CERS6: variants seen among roughly 807,000 people sequenced by gnomAD.
The protein encoded by CERS6 is ceramide synthase 6, also known as LAG1 homolog, ceramide synthase 6.
CERS6 carries 26 observed loss-of-function variants against 56.8 expected under a neutral mutation model. The ratio of observed to expected loss-of-function variants is 0.46; its 90% CI spans 0.34 to 0.63. CERS6 has a LOEUF of 0.63. CERS6 is among the 30% of genes least tolerant of loss of function. The pLI is 0.01. For synonymous variants in CERS6, 164 were observed against 173.3 expected, an observed-to-expected ratio of 0.95 and a Z score of 0.42; for missense variants, 415 against 467.5, an observed-to-expected ratio of 0.89 and a Z score of 1.04.
chr2:168,724,585 A>G (rs1683287686), intron 8 of CERS6, among the ~76,000 whole-genome samples: 1 of 152,050 alleles, frequency 6.6e-6, no homozygotes, highest in Non-Finnish European at 1.5e-5. Flanking sequence ...TTAGCTAGAT[A>G]CAGAGTGCCG....
chr2:168,656,593 C>T (rs917254930), intron 4 of CERS6, among the ~76,000 whole-genome samples: 8 of 151,486 alleles, frequency 5.3e-5, no homozygotes, highest in South Asian at 2.1e-4. Context: ...CCGGTGGGCT[C>T]GTGGTCTTGC....
intron 9 of CERS6, among the ~76,000 whole-genome samples, chr2:168,767,627 G>A (rs1391239836): frequency 6.6e-6 from 1 of 152,154 alleles, no homozygotes; most frequent in Non-Finnish European, 1.5e-5. Flanking sequence ...ACCACTGGTT[G>A]GCATAAAGCA....
chr2:168,579,555 C>CT (rs1683358794), intron 3 of CERS6, among the ~76,000 whole-genome samples: 1 of 152,248 alleles, frequency 6.6e-6, no homozygotes, highest in African/African-American at 2.4e-5. Flanking sequence ...TCCACACCCC[C>CT]TTTTCTTCTA....
rs144634060 is a variant in CERS6, at chr2:168,750,893, T to C, written c.846-14699T>C. Among the ~76,000 whole-genome samples the C allele has an allele frequency of 1.7e-3, 261 of 152,346 alleles. 1 individual carries two copies. Among genetic ancestry groups the C allele is most frequent in the African/African-American group, 5.7e-3 (238 of 41,578 alleles). Reference sequence around the variant, plus strand: ...AAATAGATAGTAAGTTCTTTGAGGTTCACTATTATGTATCCTCCATAGTTC... The same window carrying C: ...AAATAGATAGTAAGTTCTTTGAGGTCCACTATTATGTATCCTCCATAGTTC... On this transcript the variant is annotated intron_variant, in intron 8 of 9. Coordinates refer to ENST00000305747, the MANE Select transcript of CERS6 (RefSeq NM_203463.3).
chr2:168,629,821 T>TAAGAA (rs1684670166), intron 3 of CERS6, among the ~76,000 whole-genome samples: 1 of 152,082 alleles, frequency 6.6e-6, no homozygotes, highest in African/African-American at 2.4e-5. Flanking sequence ...TTAACTTTTT[T>TAAGAA]TCTTTTTTTT....
intron 3 of CERS6, among the ~76,000 whole-genome samples, chr2:168,611,480 GGC>G (rs1684186256): frequency 6.6e-6 from 1 of 152,068 alleles, no homozygotes; most frequent in Non-Finnish European, 1.5e-5. Context: ...TTAATTTTGT[GGC>G]TATAAAATAC....
chr2:168,501,983 G>A (rs1694588692), intron 1 of CERS6, among the ~76,000 whole-genome samples: 1 of 152,202 alleles, frequency 6.6e-6, no homozygotes, highest in East Asian at 1.9e-4. Context: ...ACTATGGGAT[G>A]ATGGTAGCTG....
intron 1 of CERS6, among the ~76,000 whole-genome samples, chr2:168,517,158 C>G (rs993273151): frequency 6.6e-6 from 1 of 151,626 alleles, no homozygotes; most frequent in African/African-American, 2.4e-5. Context: ...GAAGGTTACT[C>G]TTAGGAGGAT....
intron 8 of CERS6, among the ~76,000 whole-genome samples, chr2:168,763,552 GT>G (rs1684641990): frequency 6.6e-6 from 1 of 152,050 alleles, no homozygotes; most frequent in Admixed American, 6.5e-5. Flanking sequence ...GTGAGCCATC[GT>G]GCCTGGCCTG....
chr2:168,456,406 T>A lies in CERS6; in HGVS notation c.-43T>A. On this transcript the variant is annotated 5_prime_UTR_variant, in exon 1 of 10. Coordinates refer to ENST00000305747, the MANE Select transcript of CERS6 (RefSeq NM_203463.3). This position sits in a 1 kb window ranked among gnomAD's most constrained non-coding sequence, Gnocchi z 4.1. ...CGGGCGCCCTGCGCGGTGGAGAGCT[T>A]GGCGGGCTGCGGGTGCCGCAGGACA... 1.3e-6 allele frequency: 2 copies of A among 1,530,198 alleles called. No homozygotes were observed. Among genetic ancestry groups the A allele is most frequent in the Non-Finnish European group, 1.8e-6 (2 of 1,132,282 alleles). 94.8% of individuals were successfully genotyped at this position (1,530,198 alleles called of 1,614,324 possible). A position where few individuals can be genotyped will look rare whatever the true frequency, so the allele number is the denominator to read the frequency against.
At chr2:168,649,220 C>T (rs946082378) in intron 4 of CERS6, among the ~76,000 whole-genome samples, 2 of 152,098 alleles carry the variant, frequency 1.3e-5, no homozygotes, top group South Asian at 2.1e-4. Flanking sequence ...CTCCCTGGCC[C>T]TCCGAGGTCT....
At chr2:168,708,397 A>G (rs1687010850) in intron 6 of CERS6, among the ~76,000 whole-genome samples, 1 of 152,146 alleles carries the variant, frequency 6.6e-6, no homozygotes. Flanking sequence ...AAAGCATGTT[A>G]CTCTGTAAGA....
chr2:168,508,972 T>C (rs1027153781), intron 1 of CERS6, among the ~76,000 whole-genome samples: 3 of 152,214 alleles, frequency 2.0e-5, no homozygotes, highest in African/African-American at 7.2e-5. Context: ...ATGTCTCTTA[T>C]CTATCTTGAG....
At chr2:168,486,140 T>C (rs1002713908) in intron 1 of CERS6, among the ~76,000 whole-genome samples, 1 of 152,200 alleles carries the variant, frequency 6.6e-6, no homozygotes, top group Non-Finnish European at 1.5e-5. Flanking sequence ...ACCATTTGTA[T>C]GTCCTTTTTG....
At chr2:168,579,580 T>G (rs2105394893) in intron 3 of CERS6, among the ~76,000 whole-genome samples, 1 of 152,216 alleles carries the variant, frequency 6.6e-6, no homozygotes, top group South Asian at 2.1e-4. Context: ...TGATTCTTAC[T>G]CATTTCTTTG....
intron 2 of CERS6, 131 bp from the exon 3 acceptor site, chr2:168,561,061 T>TA: frequency 1.1e-6 from 1 of 889,590 alleles, no homozygotes; most frequent in Non-Finnish European, 1.7e-6. Context: ...CAGAGGTAAA[T>TA]ATAGAAATCT....
intron 1 of CERS6, among the ~76,000 whole-genome samples, chr2:168,482,709 G>C (rs969315545): frequency 6.6e-6 from 1 of 152,226 alleles, no homozygotes; most frequent in East Asian, 1.9e-4. Context: ...GGAGCTGAAG[G>C]CAGTTTTTCA....
At chr2:168,719,771 C>G (rs565800880) in intron 8 of CERS6, among the ~76,000 whole-genome samples, 4 of 152,100 alleles carry the variant, frequency 2.6e-5, no homozygotes, top group Non-Finnish European at 4.4e-5. Flanking sequence ...GACTTCTCTT[C>G]CAGTCACAAT....
At chr2:168,699,172 C>A (rs1559057548) in intron 6 of CERS6, among the ~76,000 whole-genome samples, 1 of 152,146 alleles carries the variant, frequency 6.6e-6, no homozygotes. Flanking sequence ...ATTTGGAGGA[C>A]CTGCTGTTCT....
Sources: allele counts gnomAD v4.1 joint callset (sites outside exome capture counted in the v4.1 genomes callset), GRCh38; gene constraint gnomAD v4.1.1; non-coding constraint Gnocchi (gnomAD v3.1); transcripts MANE v1.5; gene names NCBI Gene and HGNC (gene_info 2026-07-23, HGNC 2026-07-21).